CTNNBIP1: variants seen among roughly 807,000 people sequenced by gnomAD.
CTNNBIP1 encodes the protein catenin beta interacting protein 1.
A neutral mutation model predicts 11.8 loss-of-function variants in CTNNBIP1; 7 were observed. The ratio of observed to expected loss-of-function variants is 0.60; its 90% confidence interval spans 0.34 to 1.12. CTNNBIP1 has a LOEUF of 1.12. CTNNBIP1 is among the 50% of genes most tolerant of loss of function. The probability of loss-of-function intolerance (pLI) is 0.03; values close to 1 mark genes in which losing one functional copy is unlikely to be tolerated. For missense variants in CTNNBIP1, 101 were observed against 113.4 expected (o/e 0.89, Z 0.50); for synonymous variants, 58 against 43.9 (o/e 1.32, Z -1.26).
rs990115820 is a variant in CTNNBIP1, at chr1:9,872,422, C to T, written c.-24-334G>A. Among the ~76,000 whole-genome samples, 9 of 152,230 alleles carry T rather than the reference C, an allele frequency of 5.9e-5. No individual in the cohort carries two copies. Among genetic ancestry groups the T allele is most frequent in the Non-Finnish European group, 1.0e-4 (7 of 68,042 alleles). Reference sequence around the variant, plus strand: ...GAATCACCCCAGAGCAAAGCTCCTGCTACAAGCCACAGGACACGTGGTGCA... The same window carrying T: ...GAATCACCCCAGAGCAAAGCTCCTGTTACAAGCCACAGGACACGTGGTGCA... On this transcript the variant is annotated intron_variant, in intron 3 of 5. Transcript: ENST00000377263. This position sits in a 1 kb window ranked among gnomAD's most constrained non-coding sequence, Gnocchi z 4.0.
chr1:9,850,026 A>T lies in CTNNBIP1; in HGVS notation c.*692T>A, dbSNP rs1638344997. 6.6e-6 allele frequency: 1 copy of T among 152,644 alleles called. No individual in the cohort carries two copies. Among genetic ancestry groups the T allele is most frequent in the Non-Finnish European group, 1.5e-5 (1 of 68,100 alleles). The allele number at this position is 152,644 out of a possible 1,614,324, so 9.5% of individuals were successfully genotyped here. ...CAGAGCCGGCAGCAGAGGGGGGTGA[A>T]TCCATGGCAACAGGAGTCACAGGTG... On this transcript the variant is annotated 3_prime_UTR_variant, in exon 6 of 6. Transcript: ENST00000377263.
At chr1:9,856,655 A>G (rs1638508551) in intron 5 of CTNNBIP1, among the ~76,000 whole-genome samples, 1 of 151,760 alleles carries the variant, frequency 6.6e-6, no homozygotes, top group Non-Finnish European at 1.5e-5. Flanking sequence ...CTGGGATTAC[A>G]GTCGCCAGCC....
At chr1:9,909,863 T>G (rs568804645) in intron 1 of CTNNBIP1, among the ~76,000 whole-genome samples, 1 of 151,326 alleles carries the variant, frequency 6.6e-6, no homozygotes, top group Non-Finnish European at 1.5e-5. Flanking sequence ...CGGACACCTG[T>G]GGAGGCGACC....
chr1:9,894,476 C>T (rs1312619359), intron 1 of CTNNBIP1, among the ~76,000 whole-genome samples: 1 of 151,996 alleles, frequency 6.6e-6, no homozygotes, highest in African/African-American at 2.4e-5. Flanking sequence ...CCCCCTCAGC[C>T]TCCTGAGTAG....
intron 2 of CTNNBIP1, among the ~76,000 whole-genome samples, chr1:9,881,303 C>A (rs1299907974): frequency 6.7e-6 from 1 of 149,282 alleles, no homozygotes; most frequent in African/African-American, 2.5e-5. Context: ...TTATTACAGG[C>A]ATGAGCCACC....
chr1:9,871,781 G>A lies in CTNNBIP1; in HGVS notation c.96+188C>T, dbSNP rs930490702. Among the ~76,000 whole-genome samples the A allele has an allele frequency of 7.2e-5, 11 of 152,220 alleles. No individual in the cohort carries two copies. The highest frequency in any genetic ancestry group is 2.2e-4 in the African/African-American group (9 of 41,538). Reference sequence around the variant, plus strand: ...GTGTCGGGTGTCCCCAGAACTTGACGTGCTGGGCTCTGTGCCTAGGGGGCC... The same window carrying A: ...GTGTCGGGTGTCCCCAGAACTTGACATGCTGGGCTCTGTGCCTAGGGGGCC... On this transcript the variant is annotated intron_variant, in intron 4 of 5. Coordinates refer to ENST00000377263, the MANE Select transcript of CTNNBIP1 (RefSeq NM_020248.3). The surrounding 1 kb of genome is among the most constrained non-coding windows in gnomAD (Gnocchi z 5.2).
chr1:9,883,819 G>A lies in CTNNBIP1; in HGVS notation c.-143-81C>T, dbSNP rs962073143. On this transcript the variant is annotated intron_variant, in intron 1 of 5. Coordinates refer to ENST00000377263, the MANE Select transcript of CTNNBIP1 (RefSeq NM_020248.3). The surrounding 1 kb of genome is among the most constrained non-coding windows in gnomAD (Gnocchi z 5.6). ...CCCCCACTTGCTCTGCCTGAGAGCT[G>A]TGCTCAGCCTCAGGTGAGTCTTAAC... is the stretch of plus-strand genomic sequence containing the variant. 6.5e-6 allele frequency: 1 copy of A among 153,170 alleles called. No homozygotes were observed. The highest frequency in any genetic ancestry group is 1.5e-5 in the Non-Finnish European group (1 of 68,322). 9.5% of individuals were successfully genotyped at this position (153,170 alleles called of 1,614,324 possible).
chr1:9,873,684 C>A (rs1226875852), intron 3 of CTNNBIP1, among the ~76,000 whole-genome samples: 1 of 152,094 alleles, frequency 6.6e-6, no homozygotes, highest in Non-Finnish European at 1.5e-5. Context: ...TCCTCATGAT[C>A]CCCCTACTTC....
At chr1:9,893,919 G>A (rs1323184659) in intron 1 of CTNNBIP1, among the ~76,000 whole-genome samples, 2 of 152,148 alleles carry the variant, frequency 1.3e-5, no homozygotes. Context: ...AAGTTCCTAA[G>A]AGAGAGGGAA....
chr1:9,885,596 A>C (rs969873844), intron 1 of CTNNBIP1, among the ~76,000 whole-genome samples: 39 of 151,836 alleles, frequency 2.6e-4, no homozygotes, highest in Non-Finnish European at 5.4e-4. Flanking sequence ...GTGAGCAGTG[A>C]TCATGCCACT....
intron 1 of CTNNBIP1, among the ~76,000 whole-genome samples, chr1:9,901,889 A>C (rs753856867): frequency 1.4e-4 from 21 of 152,182 alleles, no homozygotes; most frequent in Non-Finnish European, 2.8e-4. Flanking sequence ...ATAACATCGC[A>C]CAAGGATATG....
chr1:9,892,420 T>TAA (rs764342054), intron 1 of CTNNBIP1, among the ~76,000 whole-genome samples: 43 of 112,308 alleles, frequency 3.8e-4, no homozygotes, highest in African/African-American at 1.2e-3. Context: ...AGACTCCGTC[T>TAA]AAAAAAAAAA....
At chr1:9,860,374 T>A (rs1054167385) in intron 5 of CTNNBIP1, among the ~76,000 whole-genome samples, 25 of 140,338 alleles carry the variant, frequency 1.8e-4, no homozygotes, top group African/African-American at 5.9e-4. Flanking sequence ...GTGGATCACC[T>A]GAGGTCAGGA....
intron 5 of CTNNBIP1, among the ~76,000 whole-genome samples, chr1:9,854,763 G>A (rs1027275711): frequency 4.0e-5 from 6 of 151,810 alleles, no homozygotes; most frequent in African/African-American, 1.5e-4. Context: ...TGCAACCTCC[G>A]CCTCCCAGGC....
rs141117475 is a variant in CTNNBIP1, at chr1:9,854,897, G to C, written c.188-4121C>G. ...TTGCCATGTTGTCCAGGCTGGTCTC[G>C]AGCTCCTGAGCTCAAGTGATCTGCC... On this transcript the variant is annotated intron_variant, in intron 5 of 5. Transcript: ENST00000377263. Among the ~76,000 whole-genome samples, 432 of 152,150 alleles carry C rather than the reference G, an allele frequency of 2.8e-3. 2 individuals carry two copies. Among genetic ancestry groups the C allele is most frequent in the Non-Finnish European group, 5.1e-3 (344 of 68,012 alleles).
intron 1 of CTNNBIP1, among the ~76,000 whole-genome samples, chr1:9,887,064 G>A (rs1353138920): frequency 6.6e-6 from 1 of 152,222 alleles, no homozygotes; most frequent in East Asian, 1.9e-4. Context: ...TAGGGGATAA[G>A]CCTGGGATGG....
At chr1:9,855,725 C>CTT (rs528824089) in intron 5 of CTNNBIP1, among the ~76,000 whole-genome samples, 1 of 133,772 alleles carries the variant, frequency 7.5e-6, no homozygotes, top group Admixed American at 7.5e-5. Flanking sequence ...TTAGGAAATG[C>CTT]TTTTTTTTTT....
intron 5 of CTNNBIP1, among the ~76,000 whole-genome samples, chr1:9,866,598 T>G (rs1386132526): frequency 1.3e-5 from 2 of 150,848 alleles, no homozygotes; most frequent in Non-Finnish European, 2.9e-5. Context: ...GAGAATTGCT[T>G]GAACTGGGAA....
chr1:9,861,968 T>C (rs1408700200), intron 5 of CTNNBIP1, among the ~76,000 whole-genome samples: 1 of 152,228 alleles, frequency 6.6e-6, no homozygotes, highest in Non-Finnish European at 1.5e-5. Flanking sequence ...GGGTCGCACC[T>C]TGGGGCTCCG....
Sources: allele counts gnomAD v4.1 joint callset (sites outside exome capture counted in the v4.1 genomes callset), GRCh38; gene constraint gnomAD v4.1.1; non-coding constraint Gnocchi (gnomAD v3.1); transcripts MANE v1.5; gene names NCBI Gene and HGNC (gene_info 2026-07-23, HGNC 2026-07-21).